CDK14: variants seen among roughly 807,000 people sequenced by gnomAD.
CDK14 encodes cyclin dependent kinase 14.
In CDK14, 34 loss-of-function variants were observed where a neutral mutation model predicts 60.7. That is an observed-to-expected ratio of 0.56 (90% CI 0.43 to 0.75). CDK14 has a LOEUF of 0.75. Ranked by LOEUF, CDK14 falls within the 30% of genes least tolerant of loss-of-function variation. CDK14 has a pLI of 0.00. For synonymous variants in CDK14, 197 were observed against 203.7 expected, an observed-to-expected ratio of 0.97 and a Z score of 0.28; for missense variants, 482 against 564.1, an observed-to-expected ratio of 0.85 and a Z score of 1.47.
At chr7:91,077,446 A>G (rs1379946306) in intron 11 of CDK14, among the ~76,000 whole-genome samples, 1 of 152,036 alleles carries the variant, frequency 6.6e-6, no homozygotes, top group African/African-American at 2.4e-5. Context: ...AACAATGTGA[A>G]CATATGGACA....
chr7:90,895,364 T>TCCTCTCCTCC (rs1792274862), intron 6 of CDK14, among the ~76,000 whole-genome samples: 5 of 7,470 alleles, frequency 6.7e-4, no homozygotes, highest in African/African-American at 1.3e-3. Flanking sequence ...TCCTCACCTC[T>TCCTCTCCTCC]CCTCCCCTCC....
At chr7:91,075,953 T>C (rs1399477657) in intron 11 of CDK14, among the ~76,000 whole-genome samples, 1 of 151,784 alleles carries the variant, frequency 6.6e-6, no homozygotes, top group Non-Finnish European at 1.5e-5. Context: ...AAACCACTGC[T>C]CAAGAAAATA....
intron 14 of CDK14, among the ~76,000 whole-genome samples, chr7:91,147,162 TCACACACACACACACACACACA>T (rs71107808): frequency 8.0e-6 from 1 of 124,698 alleles, no homozygotes; most frequent in African/African-American, 3.3e-5. Context: ...TCTCTCTCTC[TCACACACACACACACACACACA>T]CACACACACA....
intron 10 of CDK14, among the ~76,000 whole-genome samples, chr7:91,031,218 T>C (rs915151514): frequency 5.3e-5 from 8 of 152,172 alleles, no homozygotes; most frequent in African/African-American, 1.7e-4. Flanking sequence ...AATTTTATAG[T>C]GGTAAAGGGA....
intron 8 of CDK14, among the ~76,000 whole-genome samples, chr7:90,943,842 A>G (rs904959780): frequency 1.3e-5 from 2 of 152,202 alleles, no homozygotes; most frequent in Non-Finnish European, 2.9e-5. Context: ...GTCCTGCTAC[A>G]GTTTGAGTGT....
chr7:90,742,815 T>A (rs1429901108), intron 3 of CDK14, among the ~76,000 whole-genome samples: 1 of 151,992 alleles, frequency 6.6e-6, no homozygotes, highest in African/African-American at 2.4e-5. Flanking sequence ...CAGCTTTAAT[T>A]TTTTTATTAA....
intron 14 of CDK14, among the ~76,000 whole-genome samples, chr7:91,147,143 C>CTCTCTCTG (rs1220610435): frequency 4.3e-5 from 4 of 92,336 alleles, no homozygotes; most frequent in Admixed American, 2.2e-4. Flanking sequence ...CTCTCTCTGT[C>CTCTCTCTG]TCTCTCTCTC....
At chr7:90,932,691 T>C (rs1273735961) in intron 8 of CDK14, among the ~76,000 whole-genome samples, 1 of 152,220 alleles carries the variant, frequency 6.6e-6, no homozygotes, top group Non-Finnish European at 1.5e-5. Flanking sequence ...ACTGGTTTAT[T>C]GTCTCAGTTT....
chr7:90,751,672 A>G lies in CDK14; in HGVS notation c.464+3897A>G, dbSNP rs563938287. 3.0e-4 allele frequency among the ~76,000 whole-genome samples: 45 copies of G among 152,286 alleles called. No homozygotes were observed. The South Asian group carries it at 9.1e-3, about 31-fold the overall frequency. Reference sequence around the variant, plus strand: ...TAGGCTCAAAATGCTATATATCAATATTAACTTTGAATATAAACTGACTAA... The same window carrying G: ...TAGGCTCAAAATGCTATATATCAATGTTAACTTTGAATATAAACTGACTAA... On this transcript the variant is annotated intron_variant, in intron 4 of 14. Coordinates refer to ENST00000380050, the MANE Select transcript of CDK14 (RefSeq NM_001287135.2).
intron 5 of CDK14, among the ~76,000 whole-genome samples, chr7:90,854,203 A>T (rs914706495): frequency 6.6e-6 from 1 of 152,170 alleles, no homozygotes; most frequent in Non-Finnish European, 1.5e-5. Flanking sequence ...ATTTAAAGAG[A>T]GGTTGATTTA....
intron 2 of CDK14, among the ~76,000 whole-genome samples, chr7:90,657,074 C>G (rs1800767688): frequency 6.6e-6 from 1 of 152,130 alleles, no homozygotes; most frequent in African/African-American, 2.4e-5. Flanking sequence ...AAATTGATGT[C>G]ACAAACATTT....
At chr7:90,740,693 A>T (rs988226521) in intron 3 of CDK14, among the ~76,000 whole-genome samples, 1 of 152,100 alleles carries the variant, frequency 6.6e-6, no homozygotes, top group Non-Finnish European at 1.5e-5. Context: ...TTGTTATGAC[A>T]CCTCTAGCAA....
chr7:91,196,401 C>T (rs1019340935), intron 14 of CDK14, among the ~76,000 whole-genome samples: 1 of 152,222 alleles, frequency 6.6e-6, no homozygotes, highest in African/African-American at 2.4e-5. Context: ...ATGTAGTACT[C>T]TCCTCTTTCA....
intron 5 of CDK14, among the ~76,000 whole-genome samples, chr7:90,796,164 G>A (rs1353408981): frequency 2.0e-5 from 3 of 152,096 alleles, no homozygotes; most frequent in African/African-American, 4.8e-5. Context: ...TAGAATGCAG[G>A]GCTGTGTAGG....
At chr7:90,813,741 T>C (rs1789234816) in intron 5 of CDK14, among the ~76,000 whole-genome samples, 1 of 151,300 alleles carries the variant, frequency 6.6e-6, no homozygotes, top group Non-Finnish European at 1.5e-5. Flanking sequence ...AAAGCGAGAC[T>C]CTGTCTCAAA....
chr7:91,008,150 C>CAAA (rs1197897771), intron 10 of CDK14, among the ~76,000 whole-genome samples: 1 of 89,548 alleles, frequency 1.1e-5, no homozygotes, highest in African/African-American at 4.1e-5. Context: ...AAAAAACAAA[C>CAAA]AAAAAAAAAC....
At chr7:90,967,545 G>T (rs1794789483) in intron 9 of CDK14, among the ~76,000 whole-genome samples, 1 of 152,068 alleles carries the variant, frequency 6.6e-6, no homozygotes, top group Admixed American at 6.5e-5. Flanking sequence ...TGTGGTGGTG[G>T]TTTATAATCC....
intron 11 of CDK14, among the ~76,000 whole-genome samples, chr7:91,059,907 G>A (rs1172034964): frequency 6.6e-6 from 1 of 152,252 alleles, no homozygotes; most frequent in African/African-American, 2.4e-5. Flanking sequence ...GAGTTCTGTA[G>A]ATGTCTATTA....
At chr7:90,915,363 C>T (rs1205121371) in intron 7 of CDK14, among the ~76,000 whole-genome samples, 6 of 152,060 alleles carry the variant, frequency 3.9e-5, no homozygotes, top group African/African-American at 1.4e-4. Flanking sequence ...GGCATGAACC[C>T]GGGAGGCAGA....
Sources: allele counts gnomAD v4.1 joint callset (sites outside exome capture counted in the v4.1 genomes callset), GRCh38; gene constraint gnomAD v4.1.1; transcripts MANE v1.5; gene names NCBI Gene and HGNC (gene_info 2026-07-23, HGNC 2026-07-21).